The following PLCL1 variants were observed in gnomAD, a reference collection of about 807,000 sequenced individuals.
PLCL1 encodes the protein inactive phospholipase C-like protein 1.
In PLCL1, 41 loss-of-function variants were observed where a neutral mutation model predicts 84.4. The observed-to-expected ratio is 0.49, with a 90% CI of 0.38 to 0.63. The LOEUF (loss-of-function observed/expected upper bound fraction) is 0.63. Among genes scored for constraint, PLCL1 ranks in the 30% least tolerant of loss-of-function variants. PLCL1 has a pLI of 0.00. For synonymous variants in PLCL1, 490 were observed against 488.3 expected, an observed-to-expected ratio of 1.00 and a Z score of -0.05; for missense variants, 1,206 against 1,367.8, an observed-to-expected ratio of 0.88 and a Z score of 1.87.
intron 1 of PLCL1, among the ~76,000 whole-genome samples, chr2:197,824,089 T>TG: frequency 6.6e-6 from 1 of 152,174 alleles, no homozygotes; most frequent in East Asian, 1.9e-4. Flanking sequence ...TCCTTGGTTT[T>TG]GGTCATTCTT....
chr2:198,091,958 G>A (rs190545786), intron 3 of PLCL1, among the ~76,000 whole-genome samples: 48 of 117,808 alleles, frequency 4.1e-4, no homozygotes, highest in East Asian at 2.3e-3. Flanking sequence ...AACCTCACCC[G>A]TCTCTCCAGC....
At chr2:197,890,701 T>C (rs181751000) in intron 1 of PLCL1, among the ~76,000 whole-genome samples, 26,581 of 118,542 alleles carry the variant, frequency 0.22, 3,089 homozygotes, top group Middle Eastern at 0.32. Flanking sequence ...TATATATATA[T>C]ACACACACAC....
intron 1 of PLCL1, among the ~76,000 whole-genome samples, chr2:198,022,457 A>G (rs1413249897): frequency 6.6e-6 from 1 of 152,170 alleles, no homozygotes; most frequent in African/African-American, 2.4e-5. Context: ...GAGGAAGTCA[A>G]ATTATCTGTT....
At chr2:197,869,212 G>A (rs576080726) in intron 1 of PLCL1, among the ~76,000 whole-genome samples, 1 of 152,080 alleles carries the variant, frequency 6.6e-6, no homozygotes, top group African/African-American at 2.4e-5. Context: ...TTAAAACCAG[G>A]ACTGTCCGAT....
At chr2:197,823,713 T>C (rs1360239086) in intron 1 of PLCL1, among the ~76,000 whole-genome samples, 1 of 152,134 alleles carries the variant, frequency 6.6e-6, no homozygotes, top group Non-Finnish European at 1.5e-5. Context: ...TCTGTTCATA[T>C]TGGTCATCAT....
chr2:197,827,427 T>C (rs1690954783), intron 1 of PLCL1, among the ~76,000 whole-genome samples: 1 of 152,084 alleles, frequency 6.6e-6, no homozygotes, highest in Non-Finnish European at 1.5e-5. Context: ...CAATATATGT[T>C]GGCTATTCTT....
At chr2:198,107,075 A>G (rs1693493406) in intron 5 of PLCL1, among the ~76,000 whole-genome samples, 1 of 151,906 alleles carries the variant, frequency 6.6e-6, no homozygotes, top group Non-Finnish European at 1.5e-5. Flanking sequence ...TAATTGTCTC[A>G]CAATTCAGCA....
At chr2:198,144,169 T>C (rs987834479) in intron 5 of PLCL1, among the ~76,000 whole-genome samples, 10 of 152,190 alleles carry the variant, frequency 6.6e-5, no homozygotes, top group Non-Finnish European at 8.8e-5. Context: ...TATGCGTTAG[T>C]AGGATAAAAT....
rs535664841 is a variant in PLCL1 at position 198,050,777 on chromosome 2, T to C, written c.241-32981T>C. Among the ~76,000 whole-genome samples the C allele has an allele frequency of 3.3e-5, 5 of 152,314 alleles. No individual in the cohort carries two copies. In the South Asian group the frequency reaches 1.0e-3, roughly 32 times the overall value. Reference sequence around the variant, plus strand: ...TAAAAAGTCCCTGCTTAATTCATGATTGTTCTCTCCTTTGCCTCTTCTTTC... The same window carrying C: ...TAAAAAGTCCCTGCTTAATTCATGACTGTTCTCTCCTTTGCCTCTTCTTTC... On this transcript the variant is annotated intron_variant, in intron 1 of 5. Coordinates refer to ENST00000428675, the MANE Select transcript of PLCL1 (RefSeq NM_006226.4).
rs555059836 is a variant in PLCL1 at position 197,964,645 on chromosome 2, C to T, written c.241-119113C>T. ...TTCCAATTAATGGTGGTAAAATGGG[C>T]ATCCTTGTCATGTTCCAGATCTTAG... On this transcript the variant is annotated intron_variant, in intron 1 of 5. Transcript: ENST00000428675. Among the ~76,000 whole-genome samples the T allele has an allele frequency of 2.0e-5, 3 of 152,070 alleles. No individual in the cohort carries two copies. The East Asian group carries it at 5.8e-4, about 29-fold the overall frequency.
chr2:198,129,348 C>T (rs920504473), intron 5 of PLCL1, among the ~76,000 whole-genome samples: 3 of 152,148 alleles, frequency 2.0e-5, no homozygotes, highest in African/African-American at 7.2e-5. Context: ...TCTCCAACAA[C>T]ACCCCTTATC....
Position 197,804,611 on chromosome 2 carries a change from C to A in PLCL1, c.-489C>A. 6.4e-6 allele frequency: 1 copy of A among 155,470 alleles called. No individual in the cohort carries two copies. Among genetic ancestry groups the A allele is most frequent in the Non-Finnish European group, 1.4e-5 (1 of 70,202 alleles). 9.6% of individuals were successfully genotyped at this position (155,470 alleles called of 1,614,324 possible). ...TCACAACAGAGCTGAGTGGAGGCCG[C>A]CGCCGCCGCCGCACTTCCTGGGACC... On this transcript the variant is annotated 5_prime_UTR_variant, in exon 1 of 6. Transcript: ENST00000428675.
At chr2:197,883,176 A>G (rs1255620952) in intron 1 of PLCL1, among the ~76,000 whole-genome samples, 1 of 152,190 alleles carries the variant, frequency 6.6e-6, no homozygotes, top group East Asian at 1.9e-4. Flanking sequence ...TTTAAGATCT[A>G]TGTACTTCAC....
At chr2:197,897,881 T>C (rs1461344523) in intron 1 of PLCL1, among the ~76,000 whole-genome samples, 1 of 152,228 alleles carries the variant, frequency 6.6e-6, no homozygotes, top group African/African-American at 2.4e-5. Context: ...GAGCTGAAAC[T>C]GATTTTTGTT....
chr2:198,000,326 GGT>G (rs1690571985), intron 1 of PLCL1, among the ~76,000 whole-genome samples: 1 of 152,038 alleles, frequency 6.6e-6, no homozygotes, highest in Non-Finnish European at 1.5e-5. Context: ...TACATGTACA[GGT>G]TTGTTATCTG....
At chr2:198,011,656 T>G (rs553118089) in intron 1 of PLCL1, among the ~76,000 whole-genome samples, 200 of 152,194 alleles carry the variant, frequency 1.3e-3, no homozygotes, top group Non-Finnish European at 2.3e-3. Flanking sequence ...TCCTCTTGTT[T>G]CCTTATTGAT....
At chr2:197,885,590 C>T (rs1381377454) in intron 1 of PLCL1, among the ~76,000 whole-genome samples, 1 of 152,196 alleles carries the variant, frequency 6.6e-6, no homozygotes, top group Non-Finnish European at 1.5e-5. Flanking sequence ...ATCTGGACAT[C>T]CCATGCAAGG....
chr2:197,867,271 T>C (rs1295856824), intron 1 of PLCL1, among the ~76,000 whole-genome samples: 1 of 152,182 alleles, frequency 6.6e-6, no homozygotes, highest in Non-Finnish European at 1.5e-5. Flanking sequence ...CTAAATCTTC[T>C]ACAGCAGTAT....
At chr2:197,945,604 T>C (rs1275028624) in intron 1 of PLCL1, among the ~76,000 whole-genome samples, 1 of 152,204 alleles carries the variant, frequency 6.6e-6, no homozygotes, top group Non-Finnish European at 1.5e-5. Context: ...AGATTGCTGC[T>C]CTGTCAATTG....
Sources: allele counts gnomAD v4.1 joint callset (sites outside exome capture counted in the v4.1 genomes callset), GRCh38; gene constraint gnomAD v4.1.1; transcripts MANE v1.5; gene names NCBI Gene and HGNC (gene_info 2026-07-23, HGNC 2026-07-21).